Variants in EML4 observed in about 807,000 individuals in gnomAD.
EML4 encodes the protein EMAP like 4, also known as echinoderm microtubule-associated protein-like 4.
A neutral mutation model predicts 129.0 loss-of-function variants in EML4; 72 were observed. The observed-to-expected ratio is 0.56, with a 90% CI of 0.46 to 0.68. EML4 has a LOEUF of 0.68. Ranked by LOEUF, EML4 falls within the 30% of genes least tolerant of loss-of-function variation. The pLI is 0.00. For synonymous variants in EML4, 532 were observed against 405.0 expected (o/e 1.31, Z -3.77); for missense variants, 1,363 against 1,190.6 (o/e 1.14, Z -2.13).
chr2:42,256,148 G>A (rs1056369993), intron 2 of EML4, among the ~76,000 whole-genome samples: 2 of 152,192 alleles, frequency 1.3e-5, no homozygotes, highest in African/African-American at 4.8e-5. Flanking sequence ...TTAACAAGCT[G>A]TTTTTGAAGA....
In EML4 at chr2:42,312,386, C is replaced by T. The variant is rs143746048; in HGVS notation, c.1968-3576C>T. 3.6e-3 allele frequency among the ~76,000 whole-genome samples: 545 copies of T among 152,176 alleles called. 3 individuals are homozygous for T. The highest frequency in any genetic ancestry group is 0.012 in the African/African-American group (506 of 41,502). ...CCTCTTAGAATTCAGGAAAAGCCAA[C>T]CAACATTTAATATTAATACAGCCCT... is the stretch of plus-strand genomic sequence containing the variant. On this transcript the variant is annotated intron_variant, in intron 17 of 22. Coordinates refer to ENST00000318522, the MANE Select transcript of EML4 (RefSeq NM_019063.5).
At chr2:42,212,660 C>G (rs568056014) in intron 1 of EML4, among the ~76,000 whole-genome samples, 1 of 152,230 alleles carries the variant, frequency 6.6e-6, no homozygotes, top group Non-Finnish European at 1.5e-5. Context: ...CACAGATACA[C>G]TTACTGTATG....
At chr2:42,328,581 G>T (rs535966450) in intron 21 of EML4, among the ~76,000 whole-genome samples, 2 of 152,208 alleles carry the variant, frequency 1.3e-5, no homozygotes, top group Non-Finnish European at 2.9e-5. Context: ...TTGCTGAGGT[G>T]TAAGTCAAGC....
chr2:42,257,759 C>T (rs1399041485), intron 3 of EML4, among the ~76,000 whole-genome samples: 1 of 151,778 alleles, frequency 6.6e-6, no homozygotes, highest in Non-Finnish European at 1.5e-5. Flanking sequence ...ATGGCGTGAA[C>T]CCAGGAGGGG....
intron 2 of EML4, among the ~76,000 whole-genome samples, chr2:42,252,256 G>A (rs1298512182): frequency 6.6e-6 from 1 of 152,142 alleles, no homozygotes; most frequent in Non-Finnish European, 1.5e-5. Flanking sequence ...GTCTACTTGA[G>A]TCTGTCATTA....
rs1374723313 is a variant in EML4, at chr2:42,295,051, T to G, written c.1219-74T>G. 5 of 1,324,172 alleles carry G rather than the reference T, an allele frequency of 3.8e-6. No individual in the cohort carries two copies. In the African/African-American group the frequency reaches 7.5e-5, roughly 20 times the overall value. 82.0% of individuals were successfully genotyped at this position (1,324,172 alleles called of 1,614,324 possible). ...ATCTTGCCCTATCGTTAATTGTAAGTAGCAGTAATTGAATTGATACTTGAA... is the reference window on the plus strand; with the variant it reads ...ATCTTGCCCTATCGTTAATTGTAAGGAGCAGTAATTGAATTGATACTTGAA... On this transcript the variant is annotated intron_variant, in intron 11 of 22. Transcript: ENST00000318522.
At chr2:42,273,780 A>G (rs1666505451) in intron 6 of EML4, among the ~76,000 whole-genome samples, 1 of 152,170 alleles carries the variant, frequency 6.6e-6, no homozygotes, top group Admixed American at 6.5e-5. Flanking sequence ...AGAAAGTTAG[A>G]TTATACCCTT....
chr2:42,248,801 A>C (rs1675579174), intron 2 of EML4, among the ~76,000 whole-genome samples: 2 of 152,166 alleles, frequency 1.3e-5, no homozygotes, highest in African/African-American at 4.8e-5. Flanking sequence ...CAGGCAGTTT[A>C]TGAAATGGTT....
At chr2:42,311,355 C>G (rs1668936034) in intron 17 of EML4, among the ~76,000 whole-genome samples, 1 of 152,042 alleles carries the variant, frequency 6.6e-6, no homozygotes, top group Non-Finnish European at 1.5e-5. Flanking sequence ...TTGCTTTAGC[C>G]TCGGAGTTCG....
Position 42,263,140 on chromosome 2 carries a change from C to T in EML4, c.513-38C>T, listed in dbSNP as rs542620564. On this transcript the variant is annotated intron_variant, in intron 4 of 22. Transcript: ENST00000318522. The stretch of plus-strand genomic sequence containing the variant: ...AATTGTCAGTTACATGTCTTTGATA[C>T]TCAGAATTTTTCTCTAAGAAATTAA... 533 of 1,567,980 alleles carry T rather than the reference C, an allele frequency of 3.4e-4. 6 individuals carry two copies. The South Asian group carries it at 5.7e-3, about 17-fold the overall frequency.
intron 1 of EML4, among the ~76,000 whole-genome samples, chr2:42,175,080 C>T (rs1460593201): frequency 1.3e-5 from 2 of 150,122 alleles, no homozygotes; most frequent in African/African-American, 4.9e-5. Context: ...GCCTCCCTTA[C>T]AGGTGTGAGC....
intron 1 of EML4, among the ~76,000 whole-genome samples, chr2:42,175,641 G>A (rs924103948): frequency 1.7e-4 from 26 of 152,042 alleles, no homozygotes; most frequent in Admixed American, 1.7e-3. Context: ...TGAGATGACA[G>A]GTGTGCACCA....
intron 3 of EML4, among the ~76,000 whole-genome samples, chr2:42,258,355 C>A (rs1665482805): frequency 6.6e-6 from 1 of 151,536 alleles, no homozygotes; most frequent in Non-Finnish European, 1.5e-5. Flanking sequence ...ATCTGATATT[C>A]TTGAAGTATA....
rs1053061373 is a variant in EML4 at position 42,186,728 on chromosome 2, C to T, written c.25+17092C>T. The stretch of plus-strand genomic sequence containing the variant: ...CCTTTGTTTTAAAACAACATTAGAG[C>T]ATTTCATATCTTGGTTTTAGTGAAA... On this transcript the variant is annotated intron_variant, in intron 1 of 22. Transcript: ENST00000318522. Among the ~76,000 whole-genome samples, 13 of 152,256 alleles carry T rather than the reference C, an allele frequency of 8.5e-5. No individual in the cohort carries two copies. The South Asian group carries it at 1.9e-3, about 22-fold the overall frequency.
chr2:42,240,216 A>G (rs1572608025), intron 1 of EML4, among the ~76,000 whole-genome samples: 1 of 152,132 alleles, frequency 6.6e-6, no homozygotes, highest in African/African-American at 2.4e-5. Flanking sequence ...TAAGAAGTTA[A>G]GCTTCAGAAG....
chr2:42,236,096 G>A (rs569450677), intron 1 of EML4, among the ~76,000 whole-genome samples: 2 of 152,068 alleles, frequency 1.3e-5, no homozygotes, highest in East Asian at 3.9e-4. Flanking sequence ...AGTAACTATT[G>A]TCATAAATTT....
At chr2:42,282,114 C>A (rs931507326) in intron 7 of EML4, among the ~76,000 whole-genome samples, 1 of 152,070 alleles carries the variant, frequency 6.6e-6, no homozygotes, top group Non-Finnish European at 1.5e-5. Flanking sequence ...ATTAGGTCCT[C>A]CATTTGGGCT....
rs201622982 is a variant in EML4, at chr2:42,192,242, T to TG, written c.25+22606_25+22607insG. ...TTTTGTTGTTTTTTTGTTTTTTTTT[T>TG]TGGGGGGGGGAGGTGTAGTCTTGCT... On this transcript the variant is annotated intron_variant, in intron 1 of 22. Coordinates refer to ENST00000318522, the MANE Select transcript of EML4 (RefSeq NM_019063.5). 4.7e-3 allele frequency among the ~76,000 whole-genome samples: 691 copies of TG among 148,414 alleles called. 8 individuals are homozygous for TG. The highest frequency in any genetic ancestry group is 0.017 in the African/African-American group (642 of 38,902).
At chr2:42,171,778 C>A (rs12622910) in intron 1 of EML4, among the ~76,000 whole-genome samples, 21,652 of 152,112 alleles carry the variant, frequency 0.14, 1,548 homozygotes, top group East Asian at 0.18. Flanking sequence ...GATGAAGATA[C>A]TTCTCAGTGG....
Sources: allele counts gnomAD v4.1 joint callset (sites outside exome capture counted in the v4.1 genomes callset), GRCh38; gene constraint gnomAD v4.1.1; transcripts MANE v1.5; gene names NCBI Gene and HGNC (gene_info 2026-07-23, HGNC 2026-07-21).